The following LUZP1 variants were observed in gnomAD, a reference collection of about 807,000 sequenced individuals.
The protein encoded by LUZP1 is filamin mechanobinding actin cross-linking protein.
In LUZP1, 25 loss-of-function variants were observed where a neutral mutation model predicts 71.3. The ratio of observed to expected loss-of-function variants is 0.35; its 90% confidence interval spans 0.26 to 0.49. LUZP1 has a LOEUF of 0.49. Among genes scored for constraint, LUZP1 ranks in the 20% least tolerant of loss-of-function variants. The probability of loss-of-function intolerance (pLI) is 0.99; values close to 1 mark genes in which losing one functional copy is unlikely to be tolerated. For missense variants in LUZP1, 1,142 were observed against 1,300.8 expected (o/e 0.88, Z 1.88); for synonymous variants, 481 against 506.4 (o/e 0.95, Z 0.67).
chr1:23,108,562 C>T (rs1356875480), intron 3 of LUZP1, among the ~76,000 whole-genome samples: 1 of 152,132 alleles, frequency 6.6e-6, no homozygotes, highest in Admixed American at 6.6e-5. Context: ...ATCACGCCAC[C>T]GCCCTCCAGC....
At chr1:23,106,562 ACCACTATACTCCAG>A (rs377327892) in intron 3 of LUZP1, among the ~76,000 whole-genome samples, 97 of 152,248 alleles carry the variant, frequency 6.4e-4, no homozygotes, top group African/African-American at 2.2e-3. Context: ...CTGAGATCAC[ACCACTATACTCCAG>A]CCTGTGTGAC....
At chr1:23,153,194 A>G (rs1002221734) in intron 2 of LUZP1, among the ~76,000 whole-genome samples, 17 of 152,152 alleles carry the variant, frequency 1.1e-4, no homozygotes, top group African/African-American at 4.1e-4. Flanking sequence ...TCACTATCTT[A>G]TCTCCTTCCT....
At chr1:23,119,971 G>A (rs557370476) in intron 2 of LUZP1, among the ~76,000 whole-genome samples, 2 of 150,662 alleles carry the variant, frequency 1.3e-5, no homozygotes, top group East Asian at 3.9e-4. Context: ...AGACAGAGTC[G>A]TGCTCTGTCA....
intron 2 of LUZP1, chr1:23,141,183 G>A (rs187808280): frequency 2.6e-5 from 4 of 152,314 alleles, no homozygotes; most frequent in South Asian, 2.1e-4. Context: ...AACGGGACAC[G>A]GCCTGGCCCC....
intron 4 of LUZP1, chr1:23,090,768 C>A: frequency 1.5e-6 from 1 of 678,188 alleles, no homozygotes. Flanking sequence ...GCTGACCTGG[C>A]TCCCCCTCAC....
chr1:23,153,730 T>G (rs1479095455), intron 2 of LUZP1, among the ~76,000 whole-genome samples: 1 of 152,162 alleles, frequency 6.6e-6, no homozygotes, highest in Non-Finnish European at 1.5e-5. Flanking sequence ...CTTTGGGAGT[T>G]CGAGACCAGC....
At chr1:23,165,882 C>T (rs1272229229) in intron 2 of LUZP1, among the ~76,000 whole-genome samples, 1 of 151,920 alleles carries the variant, frequency 6.6e-6, no homozygotes, top group Non-Finnish European at 1.5e-5. Context: ...ACTGGAAGGG[C>T]CATTAGCTAT....
chr1:23,168,076 G>A (rs1437909242), intron 2 of LUZP1, among the ~76,000 whole-genome samples: 1 of 150,082 alleles, frequency 6.7e-6, no homozygotes, highest in Non-Finnish European at 1.5e-5. Context: ...CCGGCCCAGC[G>A]GTCTGGCTGC....
exon 5 of LUZP1, chr1:23,085,839 G>C (rs576672722): frequency 2.6e-5 from 4 of 152,252 alleles, no homozygotes; most frequent in African/African-American, 7.2e-5. Flanking sequence ...CTCTGGTTTA[G>C]TATCAGAGTG....
intron 2 of LUZP1, among the ~76,000 whole-genome samples, chr1:23,149,955 C>T (rs1234586418): frequency 2.1e-5 from 2 of 93,978 alleles, no homozygotes; most frequent in Non-Finnish European, 4.1e-5. Context: ...AGCCAGACTC[C>T]GTCTCAAAAA....
intron 2 of LUZP1, among the ~76,000 whole-genome samples, chr1:23,139,400 GAAC>G (rs370868243): frequency 1.6e-3 from 248 of 152,098 alleles, no homozygotes; most frequent in Non-Finnish European, 1.9e-3. Context: ...GGTGACCCTT[GAAC>G]AACATGGGTT....
intron 1 of LUZP1, among the ~76,000 whole-genome samples, chr1:23,173,933 G>T (rs775268909): frequency 3.3e-5 from 5 of 152,072 alleles, no homozygotes; most frequent in Non-Finnish European, 5.9e-5. Flanking sequence ...ACACCTAATA[G>T]AAGTCTCAGG....
At chr1:23,114,980 T>C (rs1644066127) in intron 2 of LUZP1, among the ~76,000 whole-genome samples, 1 of 152,224 alleles carries the variant, frequency 6.6e-6, no homozygotes, top group African/African-American at 2.4e-5. Flanking sequence ...CATTTGCCCT[T>C]GTAGAAACTA....
intron 2 of LUZP1, among the ~76,000 whole-genome samples, chr1:23,141,443 A>C (rs1031250778): frequency 2.0e-5 from 3 of 152,130 alleles, no homozygotes; most frequent in African/African-American, 7.2e-5. Flanking sequence ...CACTGGTCAG[A>C]GCTGATGAGG....
intron 2 of LUZP1, among the ~76,000 whole-genome samples, chr1:23,167,570 A>G (rs1294591121): frequency 6.6e-6 from 1 of 152,186 alleles, no homozygotes; most frequent in East Asian, 1.9e-4. Flanking sequence ...CCCACCCGCA[A>G]GGGTGAGCAC....
chr1:23,105,023 T>C (rs1214132789), intron 3 of LUZP1, among the ~76,000 whole-genome samples: 4 of 152,218 alleles, frequency 2.6e-5, no homozygotes, highest in Admixed American at 2.0e-4. Flanking sequence ...CTCCAAAACA[T>C]ACATGCCTGC....
exon 4 of LUZP1, chr1:23,092,509 C>A (rs758590414): frequency 6.2e-7 from 1 of 1,614,194 alleles, no homozygotes; most frequent in South Asian, 1.1e-5. Context: ...AGGCCATTGG[C>A]AGCCTTTTTG....
intron 2 of LUZP1, among the ~76,000 whole-genome samples, chr1:23,137,390 C>G (rs940963728): frequency 1.3e-4 from 20 of 152,138 alleles, no homozygotes; most frequent in African/African-American, 4.8e-4. Context: ...CCTGTAATCC[C>G]GGCACTTTGG....
At chr1:23,172,704 G>A (rs1644559303) in intron 1 of LUZP1, among the ~76,000 whole-genome samples, 3 of 151,784 alleles carry the variant, frequency 2.0e-5, no homozygotes, top group Admixed American at 2.0e-4. Flanking sequence ...TAGTAGAGAT[G>A]GGGTTTCACC....
Sources: allele counts gnomAD v4.1 joint callset (sites outside exome capture counted in the v4.1 genomes callset), GRCh38; gene constraint gnomAD v4.1.1; transcripts MANE v1.5; gene names NCBI Gene and HGNC (gene_info 2026-07-23, HGNC 2026-07-21).